Variants in EXT2 observed in about 807,000 individuals in gnomAD.
EXT2 encodes exostosin glycosyltransferase 2.
A neutral mutation model predicts 81.6 loss-of-function variants in EXT2; 53 were observed. The observed-to-expected ratio is 0.65, with a 90% CI of 0.52 to 0.82. EXT2 has a LOEUF of 0.82. Among genes scored for constraint, EXT2 ranks in the 40% least tolerant of loss-of-function variants. The pLI is 0.00. For synonymous variants in EXT2, 320 were observed against 340.0 expected (o/e 0.94, Z 0.65); for missense variants, 774 against 910.2 (o/e 0.85, Z 1.93).
At chr11:44,201,925 A>C (rs1467169793) in intron 9 of EXT2, among the ~76,000 whole-genome samples, 1 of 152,180 alleles carries the variant, frequency 6.6e-6, no homozygotes, top group Non-Finnish European at 1.5e-5. Flanking sequence ...CACGAAAGGG[A>C]TACTGTCAGA....
At chr11:44,155,206 T>C (rs1401432941) in intron 7 of EXT2, among the ~76,000 whole-genome samples, 1 of 152,188 alleles carries the variant, frequency 6.6e-6, no homozygotes, top group East Asian at 1.9e-4. Flanking sequence ...TCCCTAGTGT[T>C]TTCTTTGAAT....
chr11:44,236,158 G>GGT lies in EXT2; in HGVS notation c.1936-117_1936-116dup, dbSNP rs3832748. ...ACAGAGTTGAATGGAGGAATGGCGA[G>GGT]GTGTGTGTGTGTGTGTGTGCACGCG... On this transcript the variant is annotated intron_variant, in intron 12 of 13. Coordinates refer to ENST00000533608, the MANE Select transcript of EXT2 (RefSeq NM_207122.2). 6.8e-3 allele frequency: 4,681 copies of GGT among 690,788 alleles called. 7 individuals carry two copies. Among genetic ancestry groups the GGT allele is most frequent in the East Asian group, 0.019 (664 of 35,332 alleles). The allele number at this position is 690,788 out of a possible 1,614,324, so 42.8% of individuals were successfully genotyped here. A position where few individuals can be genotyped will look rare whatever the true frequency, so the allele number is the denominator to read the frequency against.
intron 8 of EXT2, among the ~76,000 whole-genome samples, chr11:44,181,468 C>T (rs1364516027): frequency 2.6e-5 from 4 of 152,048 alleles, no homozygotes; most frequent in African/African-American, 9.7e-5. Context: ...TCTGTTTTCT[C>T]TTTTCTTTAT....
chr11:44,164,670 A>G (rs1229714847), intron 7 of EXT2, among the ~76,000 whole-genome samples: 2 of 152,180 alleles, frequency 1.3e-5, no homozygotes, highest in Non-Finnish European at 2.9e-5. Context: ...TATCCTAGGA[A>G]TTATATAGTT....
At chr11:44,098,028 G>A (rs957833411) in intron 1 of EXT2, among the ~76,000 whole-genome samples, 9 of 152,218 alleles carry the variant, frequency 5.9e-5, no homozygotes, top group African/African-American at 2.2e-4. Flanking sequence ...GTTTTGCAGG[G>A]GCAGGTTTGA....
chr11:44,143,076 C>T (rs1313553938), intron 7 of EXT2, among the ~76,000 whole-genome samples: 4 of 152,156 alleles, frequency 2.6e-5, no homozygotes, highest in South Asian at 2.1e-4. Flanking sequence ...CTCAGCCTTC[C>T]GAATAGCTGG....
intron 9 of EXT2, among the ~76,000 whole-genome samples, chr11:44,199,383 G>A (rs1955496109): frequency 6.6e-6 from 1 of 152,230 alleles, no homozygotes; most frequent in Non-Finnish European, 1.5e-5. Context: ...GAATTGGATG[G>A]TATTGCATTG....
chr11:44,247,023 G>T lies in EXT2; in HGVS notation c.*2736G>T, dbSNP rs1013720158. ...TGAGCCACTGGCTTTGCCCCCAGGG[G>T]CCTAACTGGGATGGGCCTGCTTGGA... On this transcript the variant is annotated 3_prime_UTR_variant, in exon 14 of 14. Coordinates refer to ENST00000533608, the MANE Select transcript of EXT2 (RefSeq NM_207122.2). Among the ~76,000 whole-genome samples the T allele has an allele frequency of 3.9e-5, 6 of 152,250 alleles. No individual in the cohort carries two copies. The highest frequency in any genetic ancestry group is 1.4e-4 in the African/African-American group (6 of 41,468).
intron 8 of EXT2, among the ~76,000 whole-genome samples, chr11:44,193,865 C>T (rs1324763674): frequency 6.6e-6 from 1 of 152,166 alleles, no homozygotes; most frequent in Non-Finnish European, 1.5e-5. Context: ...GGAAAAACAA[C>T]ATTAAGAAAA....
chr11:44,137,602 C>T (rs1199427158), intron 7 of EXT2, among the ~76,000 whole-genome samples: 1 of 152,030 alleles, frequency 6.6e-6, no homozygotes, highest in Non-Finnish European at 1.5e-5. Context: ...CATAAAGCTA[C>T]TTTCCCTGGT....
At chr11:44,198,135 G>A in intron 9 of EXT2, 117 bp downstream of exon 9, 1 of 1,036,330 alleles carries the variant, frequency 9.6e-7, no homozygotes, top group Non-Finnish European at 1.5e-6. Context: ...TTCTGAGACA[G>A]CATGCCTCCA....
chr11:44,239,917 T>G (rs1457612301), intron 13 of EXT2, among the ~76,000 whole-genome samples: 2 of 152,122 alleles, frequency 1.3e-5, no homozygotes, highest in African/African-American at 4.8e-5. Flanking sequence ...GCAAGTCCAT[T>G]ATATAAAATG....
At chr11:44,206,423 C>CT (rs1372946984) in intron 9 of EXT2, among the ~76,000 whole-genome samples, 6 of 152,234 alleles carry the variant, frequency 3.9e-5, no homozygotes, top group Non-Finnish European at 7.3e-5. Flanking sequence ...ATTTCTCTTC[C>CT]TGTCATTGTG....
intron 8 of EXT2, among the ~76,000 whole-genome samples, chr11:44,192,954 A>G (rs1266431592): frequency 6.6e-6 from 1 of 152,246 alleles, no homozygotes; most frequent in Non-Finnish European, 1.5e-5. Flanking sequence ...AGGGGGACTG[A>G]TAAAACAGGC....
intron 1 of EXT2, among the ~76,000 whole-genome samples, chr11:44,102,327 A>G (rs1953996539): frequency 6.6e-6 from 1 of 152,132 alleles, no homozygotes; most frequent in Non-Finnish European, 1.5e-5. Flanking sequence ...CATCCTGCTT[A>G]GAGACCAGCT....
rs1214855215 is a variant in EXT2 at position 44,220,885 on chromosome 11, AG to A, written c.1663-11467del. On this transcript the variant is annotated intron_variant, in intron 10 of 13. Coordinates refer to ENST00000533608, the MANE Select transcript of EXT2 (RefSeq NM_207122.2). This position sits in a 1 kb window ranked among gnomAD's most constrained non-coding sequence, Gnocchi z 4.4. ...CTCTCAGAGCTTCTCTAAAGCACCC[AG>A]TCCCCATTGGAGAACAAGTCAAACA... 1.3e-5 allele frequency among the ~76,000 whole-genome samples: 2 copies of A among 152,244 alleles called. No homozygotes were observed. The highest frequency in any genetic ancestry group is 2.9e-5 in the Non-Finnish European group (2 of 68,032).
intron 1 of EXT2, among the ~76,000 whole-genome samples, chr11:44,101,144 C>G (rs1475745097): frequency 6.6e-6 from 1 of 151,974 alleles, no homozygotes; most frequent in African/African-American, 2.4e-5. Flanking sequence ...GGTGTTGGAC[C>G]AAAGGTGGGG....
At chr11:44,219,122 A>T (rs1294565446) in intron 10 of EXT2, among the ~76,000 whole-genome samples, 1 of 152,066 alleles carries the variant, frequency 6.6e-6, no homozygotes, top group Non-Finnish European at 1.5e-5. Flanking sequence ...ATTCTAAATA[A>T]ATGATCCCAC....
At chr11:44,228,163 G>A (rs1955858663) in intron 10 of EXT2, among the ~76,000 whole-genome samples, 2 of 152,142 alleles carry the variant, frequency 1.3e-5, no homozygotes, top group East Asian at 3.9e-4. Flanking sequence ...CCCCAAAGAT[G>A]CGTGCAATTT....
Sources: gnomAD v4.1 joint callset for allele counts (sites outside exome capture counted in the v4.1 genomes callset) on GRCh38, gnomAD v4.1.1 for gene constraint, Gnocchi (gnomAD v3.1) non-coding constraint, MANE v1.5 for transcripts, NCBI Gene and HGNC (gene_info 2026-07-23, HGNC 2026-07-21) for gene names.